The following WDPCP variants were observed in gnomAD, a reference collection of about 807,000 sequenced individuals.
WDPCP encodes WD repeat-containing and planar cell polarity effector protein fritz homolog.
A neutral mutation model predicts 93.1 loss-of-function variants in WDPCP; 71 were observed. That is an observed-to-expected ratio of 0.76 (90% CI 0.63 to 0.93). WDPCP has a LOEUF of 0.93. Among genes scored for constraint, WDPCP ranks in the 40% least tolerant of loss-of-function variants. The pLI is 0.00. For missense variants in WDPCP, 844 were observed against 887.4 expected (o/e 0.95, Z 0.62); for synonymous variants, 315 against 315.0 (o/e 1.00, Z 0.00).
chr2:63,161,641 A>G (rs1020287717), intron 15 of WDPCP, among the ~76,000 whole-genome samples: 1 of 152,226 alleles, frequency 6.6e-6, no homozygotes, highest in Non-Finnish European at 1.5e-5. Context: ...GGGGTTGAAA[A>G]TCATAATAAA....
At chr2:63,208,262 T>C (rs1195554858) in intron 14 of WDPCP, among the ~76,000 whole-genome samples, 1 of 152,212 alleles carries the variant, frequency 6.6e-6, no homozygotes, top group African/African-American at 2.4e-5. Context: ...GTATGAGATG[T>C]GATTGCAACC....
chr2:63,167,383 A>AT (rs937754026), intron 15 of WDPCP, among the ~76,000 whole-genome samples: 16 of 144,700 alleles, frequency 1.1e-4, no homozygotes, highest in Admixed American at 3.4e-4. Context: ...CCCTTTTCTC[A>AT]TTTTTTTTTC....
At chr2:63,127,080 T>G (rs62180310) in intron 17 of WDPCP, among the ~76,000 whole-genome samples, 21,908 of 151,656 alleles carry the variant, frequency 0.14, 1,956 homozygotes, top group Middle Eastern at 0.22. Flanking sequence ...AGAAAGTAAA[T>G]AGATCATAAA....
chr2:63,516,805 A>G (rs1702584094), intron 1 of WDPCP, among the ~76,000 whole-genome samples: 1 of 152,112 alleles, frequency 6.6e-6, no homozygotes, highest in South Asian at 2.1e-4. Flanking sequence ...TTTCTAAAAT[A>G]TGAGTAATGC....
At chr2:63,611,321 A>G (rs1298736822) in intron 3 of WDPCP, among the ~76,000 whole-genome samples, 2 of 152,180 alleles carry the variant, frequency 1.3e-5, no homozygotes, top group Admixed American at 6.5e-5. Flanking sequence ...ATAAATTCCT[A>G]AAACACAGCA....
intron 14 of WDPCP, among the ~76,000 whole-genome samples, chr2:63,216,063 G>A (rs1677307354): frequency 6.6e-6 from 1 of 152,192 alleles, no homozygotes; most frequent in Non-Finnish European, 1.5e-5. Context: ...AACAACATGT[G>A]CTGGAGAGGA....
At chr2:63,239,309 G>A (rs1159310832) in intron 14 of WDPCP, among the ~76,000 whole-genome samples, 1 of 152,124 alleles carries the variant, frequency 6.6e-6, no homozygotes, top group Non-Finnish European at 1.5e-5. Flanking sequence ...CGCCTCCTGG[G>A]TTCAGGGCAT....
At chr2:63,550,791 G>GTA (rs59665154) in intron 1 of WDPCP, among the ~76,000 whole-genome samples, 14 of 149,374 alleles carry the variant, frequency 9.4e-5, no homozygotes, top group Non-Finnish European at 1.8e-4. Flanking sequence ...ACATATATAT[G>GTA]TATATATATA....
intron 2 of WDPCP, among the ~76,000 whole-genome samples, chr2:63,790,653 A>G (rs573572793): frequency 5.9e-5 from 9 of 152,206 alleles, no homozygotes; most frequent in African/African-American, 9.6e-5. Context: ...TGATGAGGGA[A>G]GAAGGGAACT....
At chr2:63,440,370 G>C (rs907001413) in intron 6 of WDPCP, 2 of 152,392 alleles carry the variant, frequency 1.3e-5, no homozygotes, top group Admixed American at 1.3e-4. Flanking sequence ...TAAAAATAAA[G>C]ATCTTGTCAG....
chr2:63,637,042 G>C (rs1473304284), intron 3 of WDPCP, among the ~76,000 whole-genome samples: 2 of 152,086 alleles, frequency 1.3e-5, no homozygotes, highest in Non-Finnish European at 2.9e-5. Flanking sequence ...AAAGGCACAG[G>C]CAGTAAAAGC....
chr2:63,355,382 T>G (rs557375192), intron 12 of WDPCP, among the ~76,000 whole-genome samples: 1 of 152,254 alleles, frequency 6.6e-6, no homozygotes, highest in Admixed American at 6.5e-5. Context: ...AATAAGATCC[T>G]TTTCAGATAG....
intron 10 of WDPCP, among the ~76,000 whole-genome samples, chr2:63,393,985 G>C (rs938729472): frequency 6.6e-6 from 1 of 152,102 alleles, no homozygotes; most frequent in African/African-American, 2.4e-5. Context: ...GGTAACCTAG[G>C]AAATACCATT....
intron 2 of WDPCP, among the ~76,000 whole-genome samples, chr2:63,722,565 G>GGGTCAGCCCCCCGCCC (rs1669435757): frequency 1.4e-5 from 2 of 143,462 alleles, no homozygotes; most frequent in Admixed American, 6.8e-5. Context: ...AGGTGGGGGG[G>GGGTCAGCCCCCCGCCC]GGTCAGCCCC....
chr2:63,286,880 T>C (rs1684044887), intron 13 of WDPCP, among the ~76,000 whole-genome samples: 2 of 152,246 alleles, frequency 1.3e-5, no homozygotes. Context: ...TATTTACTAG[T>C]TCTAAAGTTA....
intron 14 of WDPCP, among the ~76,000 whole-genome samples, chr2:63,205,862 T>C (rs1194706450): frequency 1.3e-5 from 2 of 152,234 alleles, no homozygotes; most frequent in African/African-American, 4.8e-5. Context: ...CAGTACTATG[T>C]TGAGTAACAG....
chr2:63,390,291 TG>T (rs1693120912), intron 10 of WDPCP, among the ~76,000 whole-genome samples: 1 of 29,740 alleles, frequency 3.4e-5, no homozygotes, highest in Admixed American at 4.7e-4. Context: ...TGCTCCTGAA[TG>T]ACTGACTACT....
intron 1 of WDPCP, among the ~76,000 whole-genome samples, chr2:63,568,757 A>C (rs1335205951): frequency 6.6e-6 from 1 of 152,238 alleles, no homozygotes. Context: ...AACTTGTGGA[A>C]TGCTAAGAAA....
intron 1 of WDPCP, among the ~76,000 whole-genome samples, chr2:63,512,111 A>G (rs1372382235): frequency 6.6e-6 from 1 of 152,232 alleles, no homozygotes; most frequent in Non-Finnish European, 1.5e-5. Context: ...AAAAGAAGAC[A>G]TTTATGCAGC....
Sources: gnomAD v4.1 joint callset for allele counts (sites outside exome capture counted in the v4.1 genomes callset) on GRCh38, gnomAD v4.1.1 for gene constraint, MANE v1.5 for transcripts, NCBI Gene and HGNC (gene_info 2026-07-23, HGNC 2026-07-21) for gene names.